The following GAB4 variants were observed in gnomAD, a reference collection of about 807,000 sequenced individuals.
The protein encoded by GAB4 is GRB2 associated binding protein family member 4.
In GAB4, 26 loss-of-function variants were observed where a neutral mutation model predicts 51.3. The observed-to-expected ratio is 0.51, with a 90% CI of 0.37 to 0.70. The LOEUF (loss-of-function observed/expected upper bound fraction) is 0.70. GAB4 is among the 30% of genes least tolerant of loss of function. GAB4 has a pLI of 0.00. For missense variants in GAB4, 759 were observed against 734.6 expected (o/e 1.03, Z -0.38); for synonymous variants, 329 against 291.2 (o/e 1.13, Z -1.32).
Position 17,007,840 on chromosome 22 carries a change from C to G in GAB4, c.174+101G>C, listed in dbSNP as rs1409615337. 1.8e-5 allele frequency: 21 copies of G among 1,137,750 alleles called. 1 individual carries two copies. In the East Asian group the frequency reaches 3.4e-4, roughly 18 times the overall value. The allele number at this position is 1,137,750 out of a possible 1,614,324, so 70.5% of individuals were successfully genotyped here. On this transcript the variant is annotated intron_variant, in intron 1 of 9. Transcript: ENST00000400588. ...CAGACGTGGAGAAGTCGCCTCCACC[C>G]GCAGCTCCTCCCGTGGACCCAGGCC...
intron 4 of GAB4, among the ~76,000 whole-genome samples, chr22:16,969,344 A>G (rs1451206336): frequency 6.6e-6 from 1 of 152,222 alleles, no homozygotes; most frequent in Non-Finnish European, 1.5e-5. Flanking sequence ...AGAATTCCAA[A>G]CCCATAATGT....
At chr22:16,989,501 G>A (rs770257692) in intron 2 of GAB4, among the ~76,000 whole-genome samples, 2 of 152,218 alleles carry the variant, frequency 1.3e-5, no homozygotes, top group Non-Finnish European at 2.9e-5. Flanking sequence ...CATATGGCAG[G>A]GCTCTGGGAA....
In GAB4 at chr22:16,961,957, C is replaced by T. The variant is rs2060634396; in HGVS notation, c.*776G>A. ...CTGCTTTGCCCAGCTCAGATCAAGC[C>T]TTCTTAGGCAGGCAAGGGCCCCCCA... On this transcript the variant is annotated 3_prime_UTR_variant, in exon 10 of 10. Coordinates refer to ENST00000400588, the MANE Select transcript of GAB4 (RefSeq NM_001037814.1). 6.6e-6 allele frequency: 1 copy of T among 152,424 alleles called. No homozygotes were observed. Among genetic ancestry groups the T allele is most frequent in the Admixed American group, 6.5e-5 (1 of 15,292 alleles). 9.4% of individuals were successfully genotyped at this position (152,424 alleles called of 1,614,324 possible). A position where few individuals can be genotyped will look rare whatever the true frequency, so the allele number is the denominator to read the frequency against.
chr22:17,000,331 T>C (rs2060987453), intron 1 of GAB4, among the ~76,000 whole-genome samples: 1 of 152,218 alleles, frequency 6.6e-6, no homozygotes, highest in Non-Finnish European at 1.5e-5. Flanking sequence ...GCTCCTGTAT[T>C]GGGTGCATGT....
intron 3 of GAB4, among the ~76,000 whole-genome samples, chr22:16,985,533 G>T (rs1262345307): frequency 6.6e-6 from 1 of 152,246 alleles, no homozygotes; most frequent in Non-Finnish European, 1.5e-5. Context: ...GGTTTAGTAT[G>T]ATGCAAGCTA....
chr22:16,967,547 T>C (rs1250235350), intron 5 of GAB4: 1 of 152,318 alleles, frequency 6.6e-6, no homozygotes, highest in East Asian at 1.9e-4. Context: ...CCCCAATGGC[T>C]GTGATTAGCA....
rs1463412879 is a variant in GAB4, at chr22:16,988,107, C to T, written c.539G>A (p.Ser180Asn). ...HGLCSSPAEP[S>N]CSHQHLPQEQ... is the part of the protein sequence containing the mutation. ...TTGGGGGAGGTGCTGATGGGAGCAG[C>T]TGGGCTCAGCTGGAGAAGAGCAGAG... is the stretch of plus-strand genomic sequence containing the variant. Residue 180 changes from serine (S) to asparagine (N), a missense_variant, in exon 3 of 10, where the codon AGC (serine) becomes AAC (asparagine). Transcript: ENST00000400588. The T allele has an allele frequency of 6.2e-7, 1 of 1,611,402 alleles. No homozygotes were observed. Among genetic ancestry groups the T allele is most frequent in the Non-Finnish European group, 8.5e-7 (1 of 1,178,770 alleles).
At chr22:17,005,280 A>T (rs2061031222) in intron 1 of GAB4, among the ~76,000 whole-genome samples, 1 of 152,218 alleles carries the variant, frequency 6.6e-6, no homozygotes, top group Admixed American at 6.5e-5. Context: ...AATACCTAGG[A>T]ATACAACCTA....
rs546345522 is a variant in GAB4, at chr22:16,991,778, T to C, written c.478+95A>G. On this transcript the variant is annotated intron_variant, in intron 2 of 9. Coordinates refer to ENST00000400588, the MANE Select transcript of GAB4 (RefSeq NM_001037814.1). Reference sequence around the variant, plus strand: ...AGCTTCATCACGAGCCCAACACTTCTTGGCAGTGTTGGCAGCTAGAGCTGC... The same window carrying C: ...AGCTTCATCACGAGCCCAACACTTCCTGGCAGTGTTGGCAGCTAGAGCTGC... 18 of 1,055,786 alleles carry C rather than the reference T, an allele frequency of 1.7e-5. 1 individual carries two copies. The South Asian group carries it at 2.6e-4, about 15-fold the overall frequency. 65.4% of individuals were successfully genotyped at this position (1,055,786 alleles called of 1,614,324 possible). A position where few individuals can be genotyped will look rare whatever the true frequency, so the allele number is the denominator to read the frequency against.
intron 3 of GAB4, among the ~76,000 whole-genome samples, chr22:16,973,420 T>A (rs1185439685): frequency 6.6e-6 from 1 of 152,178 alleles, no homozygotes; most frequent in Non-Finnish European, 1.5e-5. Context: ...CCAAACACTT[T>A]GGACCAGCAG....
Position 16,975,064 on chromosome 22 carries a change from A to G in GAB4, c.687-4871T>C, listed in dbSNP as rs182515054. ...TACACCACCAGGGCCCTGGGTTTCA[A>G]GCACAAAACTGGGCAGCTTTTTGGG... On this transcript the variant is annotated intron_variant, in intron 3 of 9. Transcript: ENST00000400588. Among the ~76,000 whole-genome samples, 6 of 152,316 alleles carry G rather than the reference A, an allele frequency of 3.9e-5. No individual in the cohort carries two copies. The East Asian group carries it at 1.2e-3, about 29-fold the overall frequency.
Position 16,991,995 on chromosome 22 carries a change from T to A in GAB4, c.356A>T (p.Tyr119Phe), listed in dbSNP as rs778936377. The part of the protein sequence containing the change: ...NFNKKEIQKG[Y>F]MFDIKTSERT... The stretch of plus-strand genomic sequence containing the variant: ...CTCACTGGTCTTGATGTCAAACATA[T>A]AGCCCTTCTGAATCTCCTTCTTGTT... Residue 119 changes from tyrosine (Y) to phenylalanine (F), a missense_variant, in exon 2 of 10, where the codon TAT becomes TTT. Coordinates refer to ENST00000400588, the MANE Select transcript of GAB4 (RefSeq NM_001037814.1). 6.2e-7 allele frequency: 1 copy of A among 1,614,186 alleles called. No homozygotes were observed. Among genetic ancestry groups the A allele is most frequent in the Non-Finnish European group, 8.5e-7 (1 of 1,179,996 alleles).
intron 1 of GAB4, among the ~76,000 whole-genome samples, chr22:16,993,477 C>G (rs1434864024): frequency 2.0e-5 from 3 of 152,196 alleles, no homozygotes; most frequent in Admixed American, 6.5e-5. Flanking sequence ...TTCCCACTCA[C>G]CTTTTACCCC....
chr22:16,986,361 C>CA (rs1216834017), intron 3 of GAB4, among the ~76,000 whole-genome samples: 6 of 152,172 alleles, frequency 3.9e-5, no homozygotes, highest in Non-Finnish European at 8.8e-5. Flanking sequence ...TTTACAAGAA[C>CA]AACGACTGGA....
At chr22:16,980,579 C>T (rs2060818945) in intron 3 of GAB4, among the ~76,000 whole-genome samples, 1 of 152,268 alleles carries the variant, frequency 6.6e-6, no homozygotes, top group East Asian at 1.9e-4. Context: ...TTAGTTCAAC[C>T]ATTGTGAAAG....
intron 3 of GAB4, among the ~76,000 whole-genome samples, chr22:16,974,989 C>A (rs1225023402): frequency 3.3e-5 from 5 of 152,186 alleles, no homozygotes; most frequent in Non-Finnish European, 7.4e-5. Context: ...CCCAGATACA[C>A]TTTTCCTATG....
chr22:16,986,520 C>T (rs1420589756), intron 3 of GAB4, among the ~76,000 whole-genome samples: 2 of 152,262 alleles, frequency 1.3e-5, no homozygotes, highest in South Asian at 2.1e-4. Flanking sequence ...TTGAGTTAGT[C>T]GTTTCCATTC....
intron 2 of GAB4, among the ~76,000 whole-genome samples, chr22:16,990,998 TA>T (rs992287268): frequency 2.8e-5 from 4 of 144,256 alleles, no homozygotes; most frequent in Non-Finnish European, 4.8e-5. Flanking sequence ...ATTGTAACAT[TA>T]AAAAAAATAG....
chr22:16,985,209 A>G (rs1209023426), intron 3 of GAB4, among the ~76,000 whole-genome samples: 2 of 152,144 alleles, frequency 1.3e-5, no homozygotes, highest in African/African-American at 4.8e-5. Flanking sequence ...CACCCATTAC[A>G]TACATTTTTT....
Sources: gnomAD v4.1 joint callset for allele counts (sites outside exome capture counted in the v4.1 genomes callset) on GRCh38, gnomAD v4.1.1 for gene constraint, MANE v1.5 for transcripts, NCBI Gene and HGNC (gene_info 2026-07-23, HGNC 2026-07-21) for gene names.